The following CDH12 variants were observed in gnomAD, a reference collection of about 807,000 sequenced individuals.
CDH12 encodes cadherin 12.
CDH12 carries 41 observed loss-of-function variants against 74.1 expected under a neutral mutation model. That is an observed-to-expected ratio of 0.55 (90% CI 0.43 to 0.72). CDH12 has a LOEUF of 0.72. CDH12 is among the 30% of genes least tolerant of loss of function. The probability of loss-of-function intolerance (pLI) is 0.00; values close to 1 mark genes in which losing one functional copy is unlikely to be tolerated. For missense variants in CDH12, 945 were observed against 977.2 expected (o/e 0.97, Z 0.44); for synonymous variants, 399 against 355.0 (o/e 1.12, Z -1.39).
intron 5 of CDH12, among the ~76,000 whole-genome samples, chr5:21,979,591 T>C (rs908072638): frequency 6.6e-6 from 1 of 152,184 alleles, no homozygotes; most frequent in Non-Finnish European, 1.5e-5. Flanking sequence ...ACAAATTTCT[T>C]ATTTTCTCTG....
At chr5:22,545,939 T>TTGC (rs1738306760) in intron 1 of CDH12, among the ~76,000 whole-genome samples, 1 of 152,022 alleles carries the variant, frequency 6.6e-6, no homozygotes, top group South Asian at 2.1e-4. Context: ...GTTGTTGTTG[T>TTGC]TGTTGTTGTT....
chr5:21,880,609 T>TCTC (rs1752246958), intron 6 of CDH12, among the ~76,000 whole-genome samples: 3 of 83,734 alleles, frequency 3.6e-5, no homozygotes, highest in African/African-American at 1.4e-4. Flanking sequence ...CCTTCCTTCC[T>TCTC]TCCTTCCTTC....
intron 5 of CDH12, among the ~76,000 whole-genome samples, chr5:22,030,723 CCT>C (rs1489236802): frequency 2.0e-5 from 3 of 152,118 alleles, no homozygotes; most frequent in African/African-American, 7.2e-5. Flanking sequence ...ATTGACTTCC[CCT>C]GTCTAGCTAT....
chr5:22,399,799 T>C (rs1341705977), intron 3 of CDH12, among the ~76,000 whole-genome samples: 4 of 151,680 alleles, frequency 2.6e-5, no homozygotes, highest in African/African-American at 7.2e-5. Flanking sequence ...GGTAAATGTG[T>C]TAGGGATATA....
intron 3 of CDH12, among the ~76,000 whole-genome samples, chr5:22,343,450 C>T (rs1180033648): frequency 6.6e-6 from 1 of 152,160 alleles, no homozygotes; most frequent in Non-Finnish European, 1.5e-5. Context: ...CGGAGTCTCG[C>T]TCTGTCACTC....
Position 22,328,402 on chromosome 5 carries a change from A to C in CDH12, c.-333+76855T>G, listed in dbSNP as rs371712687. On this transcript the variant is annotated intron_variant, in intron 3 of 14. Transcript: ENST00000382254. ...GTTTATTTGTTCACCACATTCATTA[A>C]GAGATACTTCATGGATTTACAGTAT... Among the ~76,000 whole-genome samples, 5 of 152,206 alleles carry C rather than the reference A, an allele frequency of 3.3e-5. No individual in the cohort carries two copies. The East Asian group carries it at 5.8e-4, about 18-fold the overall frequency.
At chr5:22,588,671 T>C (rs1286052671) in intron 1 of CDH12, among the ~76,000 whole-genome samples, 2 of 152,122 alleles carry the variant, frequency 1.3e-5, no homozygotes, top group Admixed American at 1.3e-4. Flanking sequence ...TAAAAAGAAA[T>C]GTAAGGGATT....
At chr5:22,658,591 TG>T (rs1326323141) in intron 1 of CDH12, among the ~76,000 whole-genome samples, 1 of 152,120 alleles carries the variant, frequency 6.6e-6, no homozygotes, top group African/African-American at 2.4e-5. Flanking sequence ...TTTTACTTTT[TG>T]CTTGTCTTGG....
At chr5:22,735,698 T>A (rs970582352) in intron 1 of CDH12, among the ~76,000 whole-genome samples, 1 of 151,896 alleles carries the variant, frequency 6.6e-6, no homozygotes, top group East Asian at 1.9e-4. Flanking sequence ...GATCCATCTA[T>A]TCCTGTAAAA....
At chr5:22,543,242 A>G (rs1357008701) in intron 1 of CDH12, among the ~76,000 whole-genome samples, 1 of 152,138 alleles carries the variant, frequency 6.6e-6, no homozygotes, top group African/African-American at 2.4e-5. Context: ...ATCAAGAACA[A>G]CTTCTTAATG....
intron 3 of CDH12, among the ~76,000 whole-genome samples, chr5:22,256,233 G>A (rs1232869851): frequency 3.3e-5 from 5 of 152,014 alleles, no homozygotes; most frequent in South Asian, 2.1e-4. Flanking sequence ...TATTACTATC[G>A]TACATCCATG....
chr5:22,760,686 A>C (rs1746167277), intron 1 of CDH12, among the ~76,000 whole-genome samples: 1 of 150,920 alleles, frequency 6.6e-6, no homozygotes, highest in Non-Finnish European at 1.5e-5. Flanking sequence ...CTCAAAAAAA[A>C]AAAAAAAAAA....
chr5:22,241,544 A>G (rs1752752768), intron 3 of CDH12, among the ~76,000 whole-genome samples: 1 of 152,000 alleles, frequency 6.6e-6, no homozygotes, highest in Non-Finnish European at 1.5e-5. Context: ...AAAAGAAAAA[A>G]TAGTGTTTTT....
At chr5:21,887,256 T>C (rs897926507) in intron 6 of CDH12, among the ~76,000 whole-genome samples, 2 of 152,184 alleles carry the variant, frequency 1.3e-5, no homozygotes, top group Non-Finnish European at 2.9e-5. Flanking sequence ...CTTGCTGATA[T>C]TGTTTTCAGA....
intron 1 of CDH12, among the ~76,000 whole-genome samples, chr5:22,799,310 G>T (rs745560652): frequency 3.9e-5 from 6 of 152,090 alleles, no homozygotes; most frequent in Admixed American, 6.6e-5. Context: ...CATGGAAACA[G>T]AATTACAGAA....
At chr5:22,118,427 A>T in intron 4 of CDH12, among the ~76,000 whole-genome samples, 1 of 151,898 alleles carries the variant, frequency 6.6e-6, no homozygotes, top group Admixed American at 6.6e-5. Flanking sequence ...TGCTACAATA[A>T]CCTCTTGTGA....
At chr5:22,020,274 C>T (rs147518950) in intron 5 of CDH12, among the ~76,000 whole-genome samples, 1,665 of 152,170 alleles carry the variant, frequency 0.011, 25 homozygotes, top group African/African-American at 0.038. Flanking sequence ...CCAATTATGG[C>T]TGGGCGTGGT....
intron 4 of CDH12, among the ~76,000 whole-genome samples, chr5:22,181,337 A>C (rs1021599850): frequency 1.3e-5 from 2 of 152,046 alleles, no homozygotes; most frequent in Non-Finnish European, 2.9e-5. Flanking sequence ...CCTCTCCTTT[A>C]TCACATAGAA....
At chr5:22,232,922 G>A (rs956778312) in intron 3 of CDH12, among the ~76,000 whole-genome samples, 1 of 144,450 alleles carries the variant, frequency 6.9e-6, no homozygotes, top group African/African-American at 2.5e-5. Flanking sequence ...TCTCTCATTG[G>A]ATTGCTTTTG....
Sources: allele counts gnomAD v4.1 joint callset (sites outside exome capture counted in the v4.1 genomes callset), GRCh38; gene constraint gnomAD v4.1.1; transcripts MANE v1.5; gene names NCBI Gene and HGNC (gene_info 2026-07-23, HGNC 2026-07-21).